Variants in SEC31B observed in about 807,000 individuals in gnomAD.
The protein encoded by SEC31B is protein transport protein Sec31B.
Under a neutral mutation model 135.0 loss-of-function variants are expected in SEC31B, and 113 were observed. That is an observed-to-expected ratio of 0.84 (90% CI 0.72 to 0.98). SEC31B has a LOEUF of 0.98. Ranked by LOEUF, SEC31B falls within the 50% of genes least tolerant of loss-of-function variation. The probability of loss-of-function intolerance (pLI) is 0.00; values close to 1 mark genes in which losing one functional copy is unlikely to be tolerated. For synonymous variants in SEC31B, 508 were observed against 549.4 expected (o/e 0.92, Z 1.05); for missense variants, 1,296 against 1,421.1 (o/e 0.91, Z 1.42).
Position 100,503,719 on chromosome 10 carries a change from G to C in SEC31B, c.1180-1235C>G, listed in dbSNP as rs571169424. On this transcript the variant is annotated intron_variant, in intron 10 of 25. Transcript: ENST00000370345. ...CAAAGTGCTGGGATTACAGGAGTAA[G>C]CCACCAGCGCCTGGCCGACAACTTT... Among the ~76,000 whole-genome samples the C allele has an allele frequency of 3.3e-5, 5 of 151,216 alleles. No individual in the cohort carries two copies. The East Asian group carries it at 9.7e-4, about 29-fold the overall frequency.
chr10:100,498,527 G>A (rs1589734100), intron 14 of SEC31B, among the ~76,000 whole-genome samples, 178 bp downstream of exon 14: 2 of 152,130 alleles, frequency 1.3e-5, no homozygotes, highest in African/African-American at 4.8e-5. Flanking sequence ...TAGGAAGGAC[G>A]TATCCATGAA....
intron 11 of SEC31B, 112 bp downstream of exon 11, chr10:100,502,142 G>A: frequency 1.3e-6 from 1 of 778,070 alleles, no homozygotes. Flanking sequence ...TGGGAGTTAA[G>A]GCCTCTGTGA....
chr10:100,495,712 C>T (rs1266767233), intron 18 of SEC31B, among the ~76,000 whole-genome samples, 166 bp from the exon 19 acceptor site: 1 of 152,100 alleles, frequency 6.6e-6, no homozygotes, highest in Non-Finnish European at 1.5e-5. Flanking sequence ...TTTTTAGCAG[C>T]CTGAAGCCAT....
intron 22 of SEC31B, 123 bp downstream of exon 22, chr10:100,489,578 GAA>G (rs1851259856): frequency 6.9e-7 from 1 of 1,448,640 alleles, no homozygotes; most frequent in South Asian, 1.2e-5. Flanking sequence ...TCTGAGGAAA[GAA>G]GAGTAAGTGG....
chr10:100,518,653 G>C (rs1409455167), intron 1 of SEC31B, among the ~76,000 whole-genome samples: 1 of 152,108 alleles, frequency 6.6e-6, no homozygotes, highest in Non-Finnish European at 1.5e-5. Flanking sequence ...CATCCCAACA[G>C]GCTAGCAAAC....
intron 2 of SEC31B, 118 bp from the exon 3 acceptor site, chr10:100,516,337 A>G (rs1851844709): frequency 1.6e-6 from 2 of 1,212,670 alleles, no homozygotes; most frequent in East Asian, 2.5e-5. Flanking sequence ...CCTTTCTCAA[A>G]GGTAACTCCA....
chr10:100,495,607 G>A, intron 18 of SEC31B, 61 bp from the exon 19 acceptor site: 1 of 1,535,986 alleles, frequency 6.5e-7, no homozygotes, highest in South Asian at 1.2e-5. Flanking sequence ...GCCCCAGGTA[G>A]CAGTCAAATT....
chr10:100,498,566 G>A (rs534541418), intron 14 of SEC31B, 139 bp downstream of exon 14: 1 of 649,160 alleles, frequency 1.5e-6, no homozygotes, highest in Non-Finnish European at 2.7e-6. Flanking sequence ...GCTCTAACTG[G>A]TAAGCGACTC....
In SEC31B at chr10:100,496,440, G is replaced by A. The variant is rs9420790; in HGVS notation, c.2137-9C>T. 4.6e-3 allele frequency: 7,491 copies of A among 1,613,870 alleles called. 263 individuals are homozygous for A. The African/African-American group carries it at 0.078, about 17-fold the overall frequency. ...ACCTTCTCCATCAGGTCCTGTAAGG[G>A]CAAGGATGAGGGTGGTAAGCCTTCA... is the stretch of plus-strand genomic sequence containing the variant. On this transcript the variant is annotated splice_polypyrimidine_tract_variant and intron_variant, in intron 17 of 25. Coordinates refer to ENST00000370345, the MANE Select transcript of SEC31B (RefSeq NM_015490.4).
In SEC31B at chr10:100,506,160, A is replaced by C; in HGVS notation, c.924T>G (p.Asp308Glu). The C allele has an allele frequency of 1.9e-6, 3 of 1,614,240 alleles. No individual in the cohort carries two copies. Among genetic ancestry groups the C allele is most frequent in the Non-Finnish European group, 1.7e-6 (2 of 1,180,040 alleles). The change falls in exon 9 of 26, where the codon GAT becomes GAG. Residue 308 changes from aspartate to glutamate, a missense_variant. By Grantham distance (45) the Asp-to-Glu change is conservative (BLOSUM62 2). Transcript: ENST00000370345. ...AAGGGTCCCGAGGGCACCACTGCAC[A>C]TCAAAGCACCAGCTGCTCTGTGTTG... ...KLPTQSSWCF[D>E]VQWCPRDPSV...
At position 100,490,131 on chromosome 10, in the gene SEC31B, C is replaced by T. The variant is rs527652518; in HGVS notation, c.2842G>A (p.Gly948Ser). 1.5e-5 allele frequency: 24 copies of T among 1,592,958 alleles called. No homozygotes were observed. Among genetic ancestry groups the T allele is most frequent in the African/African-American group, 4.0e-5 (3 of 74,462 alleles). ...GCTGGGGTGTGGGAGACCATGCGGC[C>T]GGGACCTAGTGGTCTCAGAGGAAGC... ...PLLPLRPLGP[G>S]RMVSHTPAPP... The change falls in exon 21 of 26, where the codon GGC becomes AGC. Residue 948 changes from glycine (G) to serine (S), a missense_variant. Transcript: ENST00000370345.
At chr10:100,519,412 C>T (rs1022812694) in intron 1 of SEC31B, among the ~76,000 whole-genome samples, 4 of 152,274 alleles carry the variant, frequency 2.6e-5, no homozygotes, top group African/African-American at 9.6e-5. Flanking sequence ...TTCCCGCTGT[C>T]GCCGAAGCGC....
rs774364886 is a variant in SEC31B at position 100,495,381 on chromosome 10, T to C, written c.2472+4A>G. 4 of 1,612,700 alleles carry C rather than the reference T, an allele frequency of 2.5e-6. No homozygotes were observed. Among genetic ancestry groups the C allele is most frequent in the African/African-American group, 1.3e-5 (1 of 74,916 alleles). On this transcript the variant is annotated splice_donor_region_variant and intron_variant, in intron 19 of 25. Coordinates refer to ENST00000370345, the MANE Select transcript of SEC31B (RefSeq NM_015490.4). ...AACAAATGAATGAACAAACGAGGTC[T>C]TACCTGGTGAGAAGGCTGGGATCCC...
At position 100,497,776 on chromosome 10, in the gene SEC31B, C is replaced by T. The variant is rs747718239; in HGVS notation, c.1881G>A (p.Val627=). The T allele has an allele frequency of 1.2e-6, 2 of 1,614,232 alleles. No individual in the cohort carries two copies. The highest frequency in any genetic ancestry group is 2.2e-5 in the South Asian group (2 of 91,088). ...ACACCACATCCTTCCAATTCTTTTG[C>T]ACAACACAGGCTAGAAGCTGTAATG... The part of the protein sequence containing the change: ...TKISSLLACV[V]QKNWKDVVCT... Residue 627 remains valine (V), a synonymous_variant, in exon 16 of 26, where the codon GTG becomes GTA. Transcript: ENST00000370345.
chr10:100,518,216 T>G lies in SEC31B; in HGVS notation c.-45-1219A>C, dbSNP rs914214554. ...AGCCTACCACTTCAACTTCATCTTT[T>G]AATACTTTTCTCATTCATTGTGCTT... On this transcript the variant is annotated intron_variant, in intron 1 of 25. Transcript: ENST00000370345. 2.0e-5 allele frequency among the ~76,000 whole-genome samples: 3 copies of G among 152,230 alleles called. No homozygotes were observed. In the South Asian group the frequency reaches 6.2e-4, roughly 31 times the overall value.
chr10:100,496,474 T>C lies in SEC31B; in HGVS notation c.2137-43A>G, dbSNP rs557676393. 3.8e-5 allele frequency: 61 copies of C among 1,602,014 alleles called. No homozygotes were observed. The East Asian group carries it at 1.3e-3, about 35-fold the overall frequency. ...AGGGTGGTAAGCCTTCAATGAGGCA[T>C]ATCCTGCTCTCTAAGTCCACGCAGC... On this transcript the variant is annotated intron_variant, in intron 17 of 25. Transcript: ENST00000370345.
Position 100,502,430 on chromosome 10 carries a change from G to A in SEC31B, c.1234C>T (p.Pro412Ser). The A allele has an allele frequency of 6.2e-7, 1 of 1,614,114 alleles. No homozygotes were observed. The highest frequency in any genetic ancestry group is 8.5e-7 in the Non-Finnish European group (1 of 1,180,032). ...AAGACTAGGCGGGGGCAAGGCTGTG[G>A]CACCAGATGGGCAGGGGTGCTGGGG... ...GLPSTPAHLV[P>S]QPCPRLVFIS... The change falls in exon 11 of 26, where the codon CCA (proline) becomes TCA (serine). Residue 412 changes from proline to serine, a missense_variant. Transcript: ENST00000370345.
intron 4 of SEC31B, 83 bp from the exon 5 acceptor site, chr10:100,509,185 G>T (rs1355450490): frequency 1.4e-5 from 21 of 1,508,562 alleles, no homozygotes; most frequent in Non-Finnish European, 1.8e-5. Context: ...CAAATTTGGG[G>T]CTATCAAAAG....
intron 16 of SEC31B, 162 bp downstream of exon 16, chr10:100,497,505 T>C (rs1164136157): frequency 2.0e-6 from 3 of 1,504,344 alleles, no homozygotes; most frequent in South Asian, 1.3e-5. Flanking sequence ...AATAGGGGCA[T>C]GCACTGTGGT....
Sources: allele counts gnomAD v4.1 joint callset (sites outside exome capture counted in the v4.1 genomes callset), GRCh38; gene constraint gnomAD v4.1.1; transcripts MANE v1.5; gene names NCBI Gene and HGNC (gene_info 2026-07-23, HGNC 2026-07-21).